Variants in CCDC171 observed in about 807,000 individuals in gnomAD.
The protein encoded by CCDC171 is coiled-coil domain containing 171.
A neutral mutation model predicts 168.2 loss-of-function variants in CCDC171; 177 were observed. The observed-to-expected ratio is 1.05, with a 90% CI of 0.93 to 1.19. CCDC171 has a LOEUF of 1.19. Ranked by LOEUF, CCDC171 falls within the 50% of genes most tolerant of loss-of-function variation. The probability of loss-of-function intolerance (pLI) is 0.00; values close to 1 mark genes in which losing one functional copy is unlikely to be tolerated. For synonymous variants in CCDC171, 687 were observed against 540.8 expected, an observed-to-expected ratio of 1.27 and a Z score of -3.75; for missense variants, 1,991 against 1,539.0, an observed-to-expected ratio of 1.29 and a Z score of -4.91.
chr9:15,719,681 G>C (rs564051710), intron 11 of CCDC171, among the ~76,000 whole-genome samples: 1 of 152,188 alleles, frequency 6.6e-6, no homozygotes, highest in Non-Finnish European at 1.5e-5. Context: ...ATATAAGAAT[G>C]TTCATAGGTC....
At chr9:15,806,431 G>T (rs1443420028) in intron 21 of CCDC171, among the ~76,000 whole-genome samples, 1 of 152,070 alleles carries the variant, frequency 6.6e-6, no homozygotes, top group Non-Finnish European at 1.5e-5. Context: ...CAGGTCTGGT[G>T]GTAATGAATT....
chr9:15,581,938 A>C (rs867554919), intron 4 of CCDC171, among the ~76,000 whole-genome samples: 2 of 152,254 alleles, frequency 1.3e-5, no homozygotes, highest in African/African-American at 4.8e-5. Flanking sequence ...AATGGGATCT[A>C]ATTAAACTAA....
intron 24 of CCDC171, among the ~76,000 whole-genome samples, chr9:15,902,264 A>ATG (rs1428099127): frequency 6.8e-6 from 1 of 147,002 alleles, no homozygotes; most frequent in Non-Finnish European, 1.5e-5. Flanking sequence ...ATATATATGT[A>ATG]TATATATATA....
At chr9:15,985,523 G>A (rs1008349880) in intron 3 of CCDC171, among the ~76,000 whole-genome samples, 4 of 152,104 alleles carry the variant, frequency 2.6e-5, no homozygotes, top group African/African-American at 9.7e-5. Flanking sequence ...TTCCAAAAAT[G>A]ACCTATTGTT....
At chr9:15,772,474 G>A (rs2057066334) in intron 18 of CCDC171, among the ~76,000 whole-genome samples, 1 of 151,988 alleles carries the variant, frequency 6.6e-6, no homozygotes, top group Admixed American at 6.5e-5. Context: ...CTATATTCAC[G>A]TTTCTCAAAT....
chr9:15,675,850 T>C (rs540510996), intron 9 of CCDC171, among the ~76,000 whole-genome samples: 1 of 152,306 alleles, frequency 6.6e-6, no homozygotes, highest in South Asian at 2.1e-4. Flanking sequence ...ATCGTGCATC[T>C]TGGGATTGTT....
At chr9:15,952,025 T>A (rs938915876) in intron 25 of CCDC171, among the ~76,000 whole-genome samples, 1 of 152,212 alleles carries the variant, frequency 6.6e-6, no homozygotes, top group Non-Finnish European at 1.5e-5. Context: ...TGATCCATTT[T>A]GATTTAATTT....
intron 7 of CCDC171, among the ~76,000 whole-genome samples, chr9:15,632,088 G>A (rs944205464): frequency 2.6e-5 from 4 of 152,056 alleles, no homozygotes; most frequent in African/African-American, 4.8e-5. Flanking sequence ...AAAACTGGAA[G>A]CATTCCCTTT....
intron 3 of CCDC171, among the ~76,000 whole-genome samples, chr9:15,572,053 A>G (rs1357961792): frequency 6.6e-6 from 1 of 152,202 alleles, no homozygotes; most frequent in African/African-American, 2.4e-5. Flanking sequence ...TTTGTAAATC[A>G]GACATTTTTG....
At chr9:15,949,564 G>T (rs1339181681) in intron 25 of CCDC171, among the ~76,000 whole-genome samples, 1 of 152,220 alleles carries the variant, frequency 6.6e-6, no homozygotes, top group South Asian at 2.1e-4. Flanking sequence ...TCTCTTTGAA[G>T]CAATTGTGAA....
At chr9:15,926,484 A>T (rs539971212) in intron 25 of CCDC171, among the ~76,000 whole-genome samples, 1 of 151,388 alleles carries the variant, frequency 6.6e-6, no homozygotes, top group Non-Finnish European at 1.5e-5. Context: ...ACTTCTGACC[A>T]TTTTGTTTTT....
At chr9:15,560,299 C>A (rs1231812966) in intron 1 of CCDC171, among the ~76,000 whole-genome samples, 1 of 152,144 alleles carries the variant, frequency 6.6e-6, no homozygotes, top group African/African-American at 2.4e-5. Context: ...GGGAAGCTCT[C>A]CTGGATGATA....
intron 7 of CCDC171, among the ~76,000 whole-genome samples, chr9:15,645,561 C>T (rs567863675): frequency 5.3e-5 from 8 of 152,212 alleles, no homozygotes; most frequent in Non-Finnish European, 8.8e-5. Context: ...AATAACCTGA[C>T]TGAGCTGAAA....
intron 24 of CCDC171, among the ~76,000 whole-genome samples, chr9:15,909,997 T>G (rs1260481170): frequency 6.6e-6 from 1 of 152,148 alleles, no homozygotes; most frequent in East Asian, 1.9e-4. Flanking sequence ...TATTCCACTC[T>G]GTACTTCCAT....
chr9:15,971,696 T>A lies in CCDC171; in HGVS notation c.3841T>A (p.Leu1281Met). The stretch of plus-strand genomic sequence containing the variant: ...AACTGGTATTGGGGATTTCTTACCA[T>A]TGAAAGCTGAACTTGATACTACTTA... ...DTTGIGDFLP[L>M]KAELDTTYTF... The change falls in exon 26 of 26, where the codon TTG becomes ATG. Residue 1281 changes from leucine (L) to methionine (M), a missense_variant. By Grantham distance (15) the Leu-to-Met change is conservative. Transcript: ENST00000380701. The A allele has an allele frequency of 6.2e-7, 1 of 1,613,920 alleles. No individual in the cohort carries two copies. Among genetic ancestry groups the A allele is most frequent in the Non-Finnish European group, 8.5e-7 (1 of 1,179,854 alleles).
chr9:15,598,162 G>C (rs1442631064), intron 6 of CCDC171, among the ~76,000 whole-genome samples: 2 of 151,998 alleles, frequency 1.3e-5, no homozygotes, highest in Non-Finnish European at 2.9e-5. Flanking sequence ...GTTCTCTTCT[G>C]ATCTTAGTTA....
chr9:15,924,403 A>C (rs1278728115), intron 25 of CCDC171, among the ~76,000 whole-genome samples: 1 of 150,348 alleles, frequency 6.7e-6, no homozygotes, highest in Non-Finnish European at 1.5e-5. Context: ...TCTAGTGAGA[A>C]GTGTTAAAGT....
chr9:15,959,815 T>A (rs1377750260), intron 25 of CCDC171, among the ~76,000 whole-genome samples: 1 of 152,138 alleles, frequency 6.6e-6, no homozygotes, highest in Non-Finnish European at 1.5e-5. Context: ...ATTTGGACTC[T>A]TAGAAAAAGG....
chr9:15,669,403 T>A (rs2048952465), intron 9 of CCDC171, among the ~76,000 whole-genome samples: 1 of 152,214 alleles, frequency 6.6e-6, no homozygotes, highest in African/African-American at 2.4e-5. Flanking sequence ...AAGCATACAA[T>A]GTGTGATGAT....
Sources: gnomAD v4.1 joint callset for allele counts (sites outside exome capture counted in the v4.1 genomes callset) on GRCh38, gnomAD v4.1.1 for gene constraint, MANE v1.5 for transcripts, NCBI Gene and HGNC (gene_info 2026-07-23, HGNC 2026-07-21) for gene names.